The following CHRM3 variants were observed in gnomAD, a reference collection of about 807,000 sequenced individuals.
The protein encoded by CHRM3 is cholinergic receptor muscarinic 3.
A neutral mutation model predicts 41.8 loss-of-function variants in CHRM3; 11 were observed. The ratio of observed to expected loss-of-function variants is 0.26; its 90% CI spans 0.17 to 0.44. The LOEUF is 0.44. CHRM3 is among the 20% of genes least tolerant of loss of function. The pLI, the probability that CHRM3 is intolerant of heterozygous loss-of-function variation, is 1.00. For missense variants in CHRM3, 571 were observed against 745.4 expected, an observed-to-expected ratio of 0.77 and a Z score of 2.72; for synonymous variants, 297 against 301.4, an observed-to-expected ratio of 0.99 and a Z score of 0.15.
At chr1:239,642,389 A>G (rs186858447) in intron 4 of CHRM3, among the ~76,000 whole-genome samples, 1,947 of 152,176 alleles carry the variant, frequency 0.013, 57 homozygotes, top group African/African-American at 0.045. Context: ...TCTCCCCGTC[A>G]CTTTCAGGTA....
At chr1:239,906,575 T>G (rs1291801809) in intron 6 of CHRM3, among the ~76,000 whole-genome samples, 1 of 152,136 alleles carries the variant, frequency 6.6e-6, no homozygotes, top group Non-Finnish European at 1.5e-5. Flanking sequence ...TTGTAATGCT[T>G]CTTAGTTGTT....
At chr1:239,465,508 A>G (rs912734494) in intron 1 of CHRM3, among the ~76,000 whole-genome samples, 2 of 152,150 alleles carry the variant, frequency 1.3e-5, no homozygotes, top group African/African-American at 4.8e-5. Context: ...CAGTTTAGAA[A>G]GATTGGATGT....
At chr1:239,517,317 T>C (rs894942886) in intron 2 of CHRM3, among the ~76,000 whole-genome samples, 40 of 152,312 alleles carry the variant, frequency 2.6e-4, no homozygotes, top group African/African-American at 9.6e-4. Context: ...ATTATTTATT[T>C]CCCTCAATTT....
intron 5 of CHRM3, among the ~76,000 whole-genome samples, chr1:239,804,794 G>T (rs1044261575): frequency 6.6e-6 from 1 of 152,116 alleles, no homozygotes. Flanking sequence ...CTCGCCTCTC[G>T]CATTGACTGT....
At chr1:239,598,178 C>A (rs1665035626) in intron 3 of CHRM3, among the ~76,000 whole-genome samples, 1 of 152,114 alleles carries the variant, frequency 6.6e-6, no homozygotes, top group Non-Finnish European at 1.5e-5. Context: ...ACCCCAGGAT[C>A]TTAGAAAGGC....
intron 5 of CHRM3, among the ~76,000 whole-genome samples, chr1:239,746,304 G>A (rs1029728298): frequency 2.6e-5 from 4 of 152,204 alleles, no homozygotes; most frequent in African/African-American, 7.2e-5. Flanking sequence ...TTGCGCATTT[G>A]TTCTGTGCCA....
chr1:239,705,784 A>ATC (rs1477129051), intron 5 of CHRM3: 1 of 152,170 alleles, frequency 6.6e-6, no homozygotes, highest in Non-Finnish European at 1.5e-5. Context: ...ATATATATAT[A>ATC]TCAAGTAGCC....
intron 3 of CHRM3, among the ~76,000 whole-genome samples, chr1:239,595,899 C>T (rs1235611188): frequency 6.6e-6 from 1 of 151,932 alleles, no homozygotes; most frequent in African/African-American, 2.4e-5. Flanking sequence ...TATACCAATC[C>T]TTTTTACTAT....
chr1:239,749,317 G>A (rs1665617515), intron 5 of CHRM3, among the ~76,000 whole-genome samples: 1 of 152,154 alleles, frequency 6.6e-6, no homozygotes, highest in Non-Finnish European at 1.5e-5. Context: ...AAGCCCTACG[G>A]TGGGAGAGCA....
chr1:239,404,470 A>AAAG (rs1558196199), intron 1 of CHRM3, among the ~76,000 whole-genome samples: 11 of 115,164 alleles, frequency 9.6e-5, no homozygotes, highest in African/African-American at 1.8e-4. Flanking sequence ...AAGAAAGAAA[A>AAAG]AGAAAGAAAG....
intron 5 of CHRM3, chr1:239,727,541 T>C (rs1663557735): frequency 6.6e-6 from 1 of 151,936 alleles, no homozygotes. Flanking sequence ...ATGAAAGTAA[T>C]TTAATTGGGC....
intron 4 of CHRM3, among the ~76,000 whole-genome samples, chr1:239,666,106 A>T (rs1673771085): frequency 6.6e-6 from 1 of 152,046 alleles, no homozygotes; most frequent in African/African-American, 2.4e-5. Flanking sequence ...TGTCTTCCAC[A>T]ATGGTTGAAC....
intron 3 of CHRM3, among the ~76,000 whole-genome samples, chr1:239,547,452 G>C (rs1659403320): frequency 6.6e-6 from 1 of 152,166 alleles, no homozygotes; most frequent in Non-Finnish European, 1.5e-5. Context: ...AGTTCCCTGG[G>C]GAGTGTGGGA....
At chr1:239,684,774 AAGAG>A (rs1321397369) in intron 5 of CHRM3, among the ~76,000 whole-genome samples, 1 of 59,944 alleles carries the variant, frequency 1.7e-5, no homozygotes, top group South Asian at 6.1e-4. Context: ...AAGAAAGAGA[AAGAG>A]AAAGAAAAGA....
chr1:239,792,159 C>A (rs1669404295), intron 5 of CHRM3, among the ~76,000 whole-genome samples: 1 of 152,152 alleles, frequency 6.6e-6, no homozygotes, highest in Non-Finnish European at 1.5e-5. Context: ...AGTCCTCTTC[C>A]TTCCTTTGCC....
rs16838628 is a variant in CHRM3 at position 239,652,664 on chromosome 1, G to A, written c.-250+20378G>A. Among the ~76,000 whole-genome samples, 334 of 151,682 alleles carry A rather than the reference G, an allele frequency of 2.2e-3. 1 individual carries two copies. Among genetic ancestry groups the A allele is most frequent in the African/African-American group, 7.7e-3 (319 of 41,360 alleles). On this transcript the variant is annotated intron_variant, in intron 4 of 6. Coordinates refer to ENST00000676153, the MANE Select transcript of CHRM3 (RefSeq NM_001375978.1). ...AGGAAAAAAAAAAGATTTAACTGCA[G>A]GCACGGACTTGCAAATAGGTGTAAT...
rs1660332162 is a variant in CHRM3, at chr1:239,404,404, GAAAGAAAAAGAAAGAAAGAAAGAAAGAA to G, written c.-521+17179_-521+17206del. Among the ~76,000 whole-genome samples the G allele has an allele frequency of 2.2e-4, 13 of 57,918 alleles. 1 individual carries two copies. In the East Asian group the frequency reaches 2.3e-3, roughly 10 times the overall value. The allele number at this position is 57,918 out of a possible 152,430, so 38.0% of individuals were successfully genotyped here. ...AGAAAGAAAGAAAGAAAGAAAGAAA[GAAAGAAAAAGAAAGAAAGAAAGAAAGAA>G]AGAAAGAAAGAAAGAAAGAAAGAAA... On this transcript the variant is annotated intron_variant, in intron 1 of 6. Transcript: ENST00000676153.
chr1:239,881,054 T>A (rs369128492), intron 6 of CHRM3, among the ~76,000 whole-genome samples: 7 of 151,614 alleles, frequency 4.6e-5, no homozygotes, highest in Admixed American at 4.6e-4. Flanking sequence ...GAGACCGAGG[T>A]GGGCGGATCA....
At chr1:239,613,671 T>C (rs1667309769) in intron 3 of CHRM3, among the ~76,000 whole-genome samples, 1 of 152,202 alleles carries the variant, frequency 6.6e-6, no homozygotes, top group Admixed American at 6.5e-5. Flanking sequence ...TATCTGTGTA[T>C]GTGTACCTGT....
Sources: gnomAD v4.1 joint callset for allele counts (sites outside exome capture counted in the v4.1 genomes callset) on GRCh38, gnomAD v4.1.1 for gene constraint, MANE v1.5 for transcripts, NCBI Gene and HGNC (gene_info 2026-07-23, HGNC 2026-07-21) for gene names.